The following UST variants were observed in gnomAD, a reference collection of about 807,000 sequenced individuals.
UST encodes the protein uronyl 2-sulfotransferase.
UST carries 21 observed loss-of-function variants against 45.6 expected under a neutral mutation model. That is an observed-to-expected ratio of 0.46 (90% CI 0.33 to 0.66). The LOEUF is 0.66. Among genes scored for constraint, UST ranks in the 30% least tolerant of loss-of-function variants. The pLI is 0.02. For missense variants in UST, 463 were observed against 512.4 expected, an observed-to-expected ratio of 0.90 and a Z score of 0.93; for synonymous variants, 215 against 200.6, an observed-to-expected ratio of 1.07 and a Z score of -0.61.
At chr6:148,963,708 T>G (rs1185219521) in intron 4 of UST, among the ~76,000 whole-genome samples, 1 of 152,240 alleles carries the variant, frequency 6.6e-6, no homozygotes, top group South Asian at 2.1e-4. Flanking sequence ...TAGAGCCAGA[T>G]TGCCTGGACC....
chr6:148,959,443 A>G (rs560107062), intron 4 of UST, among the ~76,000 whole-genome samples: 7 of 152,312 alleles, frequency 4.6e-5, no homozygotes, highest in Admixed American at 6.5e-5. Flanking sequence ...CTCCTTAAAT[A>G]CAGCGCAGAA....
At chr6:149,065,083 C>T (rs1231281559) in intron 7 of UST, among the ~76,000 whole-genome samples, 1 of 152,186 alleles carries the variant, frequency 6.6e-6, no homozygotes, top group African/African-American at 2.4e-5. Context: ...GATCAGAGAA[C>T]GCTCATGGAG....
chr6:148,891,225 C>G (rs1779012154), intron 2 of UST, among the ~76,000 whole-genome samples: 1 of 152,154 alleles, frequency 6.6e-6, no homozygotes, highest in African/African-American at 2.4e-5. Flanking sequence ...ACCCGAGAAG[C>G]TGACGTTTCC....
At chr6:149,019,020 C>T in intron 5 of UST, 119 bp from the exon 6 acceptor site, 1 of 813,652 alleles carries the variant, frequency 1.2e-6, no homozygotes, top group Non-Finnish European at 2.1e-6. Context: ...TGTGAATTCT[C>T]TTCATCTTCT....
At chr6:148,943,191 G>A (rs951072869) in intron 3 of UST, among the ~76,000 whole-genome samples, 3 of 152,030 alleles carry the variant, frequency 2.0e-5, no homozygotes, top group Non-Finnish European at 4.4e-5. Context: ...AACTCTTATG[G>A]CCTGCTTATC....
intron 2 of UST, among the ~76,000 whole-genome samples, chr6:148,897,811 A>G (rs1219878441): frequency 1.3e-5 from 2 of 152,196 alleles, no homozygotes; most frequent in Non-Finnish European, 2.9e-5. Context: ...TTTAAAAGCA[A>G]TTACATGCCA....
chr6:148,842,611 A>C (rs1207451733), intron 1 of UST, among the ~76,000 whole-genome samples: 1 of 152,208 alleles, frequency 6.6e-6, no homozygotes, highest in Non-Finnish European at 1.5e-5. Flanking sequence ...TCTCGTCTGC[A>C]CATCCCTCCC....
intron 7 of UST, among the ~76,000 whole-genome samples, chr6:149,038,820 A>T (rs559550492): frequency 6.6e-6 from 1 of 151,774 alleles, no homozygotes; most frequent in South Asian, 2.1e-4. Context: ...ATTGGGGGGA[A>T]AAAGATGTCT....
In UST at chr6:149,003,141, A is replaced by G. The variant is rs532580772; in HGVS notation, c.682-15998A>G. Among the ~76,000 whole-genome samples the G allele has an allele frequency of 2.6e-5, 4 of 152,344 alleles. No homozygotes were observed. The South Asian group carries it at 8.3e-4, about 32-fold the overall frequency. ...CTCTGAAATAAAATTGCAGTAGACC[A>G]TATCGTGGCATGATAGAACTATGGC... On this transcript the variant is annotated intron_variant, in intron 5 of 7. Coordinates refer to ENST00000367463, the MANE Select transcript of UST (RefSeq NM_005715.3).
intron 2 of UST, among the ~76,000 whole-genome samples, chr6:148,924,415 T>A (rs35541125): frequency 0.28 from 42,191 of 152,010 alleles, 6,860 homozygotes; most frequent in African/African-American, 0.45. Context: ...AGCTTCTCCA[T>A]CACTGCATCC....
At chr6:149,022,062 T>A (rs1032427770) in intron 7 of UST, among the ~76,000 whole-genome samples, 3 of 152,354 alleles carry the variant, frequency 2.0e-5, no homozygotes, top group Admixed American at 2.0e-4. Context: ...AGAAATAGAA[T>A]GTGGCAAAGC....
chr6:148,809,321 GTT>G (rs71779192), intron 1 of UST, among the ~76,000 whole-genome samples: 24 of 143,860 alleles, frequency 1.7e-4, no homozygotes, highest in East Asian at 4.0e-4. Flanking sequence ...TTAGTTTTTT[GTT>G]TTTTTTTTTT....
intron 1 of UST, among the ~76,000 whole-genome samples, chr6:148,863,071 G>A (rs1007090666): frequency 2.6e-5 from 4 of 152,134 alleles, no homozygotes; most frequent in Non-Finnish European, 4.4e-5. Flanking sequence ...CAGTTCTCCT[G>A]GATAATATCC....
chr6:148,756,734 G>A (rs755671405), intron 1 of UST, among the ~76,000 whole-genome samples: 1 of 152,194 alleles, frequency 6.6e-6, no homozygotes, highest in Non-Finnish European at 1.5e-5. Flanking sequence ...ACCTTGAAGG[G>A]AGGAAGCTTA....
At chr6:148,942,660 T>C (rs1325401616) in intron 3 of UST, among the ~76,000 whole-genome samples, 1 of 152,202 alleles carries the variant, frequency 6.6e-6, no homozygotes, top group Non-Finnish European at 1.5e-5. Flanking sequence ...ATTCAGAACC[T>C]CACAAACAGA....
chr6:149,038,516 C>T (rs909294913), intron 7 of UST, among the ~76,000 whole-genome samples: 1 of 151,844 alleles, frequency 6.6e-6, no homozygotes, highest in African/African-American at 2.4e-5. Context: ...AAGGATTCTC[C>T]CCTCGAGGGA....
At chr6:149,064,309 C>T (rs1582983755) in intron 7 of UST, among the ~76,000 whole-genome samples, 1 of 152,356 alleles carries the variant, frequency 6.6e-6, no homozygotes, top group African/African-American at 2.4e-5. Context: ...TCACCACTTA[C>T]CAGCTGTGTG....
At chr6:148,956,704 C>T (rs1780517084) in intron 4 of UST, among the ~76,000 whole-genome samples, 1 of 152,210 alleles carries the variant, frequency 6.6e-6, no homozygotes, top group South Asian at 2.1e-4. Context: ...CAGGGCTGGG[C>T]TCTGCTTCTC....
At chr6:149,064,693 C>T (rs968277240) in intron 7 of UST, among the ~76,000 whole-genome samples, 23 of 152,116 alleles carry the variant, frequency 1.5e-4, no homozygotes, top group African/African-American at 5.1e-4. Context: ...GCATAAAACT[C>T]GACTTTCTAT....
Sources: allele counts gnomAD v4.1 joint callset (sites outside exome capture counted in the v4.1 genomes callset), GRCh38; gene constraint gnomAD v4.1.1; transcripts MANE v1.5; gene names NCBI Gene and HGNC (gene_info 2026-07-23, HGNC 2026-07-21).